TCF4: variants seen among roughly 807,000 people sequenced by gnomAD.
TCF4 encodes SL3-3 enhancer factor 2.
A neutral mutation model predicts 82.1 loss-of-function variants in TCF4; 3 were observed. That is an observed-to-expected ratio of 0.04 (90% confidence interval 0.02 to 0.09). The LOEUF is 0.09. Among genes scored for constraint, TCF4 ranks in the 10% least tolerant of loss-of-function variants. TCF4 has a pLI of 1.00. For synonymous variants in TCF4, 276 were observed against 309.6 expected (o/e 0.89, Z 1.14); for missense variants, 518 against 852.7 (o/e 0.61, Z 4.89).
chr18:55,338,674 G>A (rs545498008), intron 8 of TCF4, among the ~76,000 whole-genome samples: 175 of 152,206 alleles, frequency 1.1e-3, no homozygotes, highest in African/African-American at 4.1e-3. Context: ...TGATTCTTAG[G>A]GAGGAAGATG....
At chr18:55,311,518 G>C (rs970763232) in intron 8 of TCF4, among the ~76,000 whole-genome samples, 1 of 152,212 alleles carries the variant, frequency 6.6e-6, no homozygotes, top group Non-Finnish European at 1.5e-5. Flanking sequence ...ATCTTAGTCT[G>C]TCAGCAACAA....
chr18:55,379,203 C>A (rs1330717103), intron 6 of TCF4, among the ~76,000 whole-genome samples: 1 of 152,148 alleles, frequency 6.6e-6, no homozygotes, highest in Non-Finnish European at 1.5e-5. Flanking sequence ...TAAAAGGTAG[C>A]ATCTTAGCAG....
chr18:55,598,917 C>A (rs905792404), intron 2 of TCF4, among the ~76,000 whole-genome samples: 2 of 152,214 alleles, frequency 1.3e-5, no homozygotes, highest in Admixed American at 1.3e-4. Flanking sequence ...TGGAAGCAAT[C>A]ACTCTTTTGT....
intron 8 of TCF4, among the ~76,000 whole-genome samples, chr18:55,333,820 T>C (rs1569053790): frequency 6.6e-6 from 1 of 152,226 alleles, no homozygotes; most frequent in Non-Finnish European, 1.5e-5. Context: ...TTTTGCTCTC[T>C]GTTGTTGAGT....
rs1218755652 is a variant in TCF4 at position 55,254,766 on chromosome 18, A to C, written c.1147-66T>G. On this transcript the variant is annotated intron_variant, in intron 14 of 19. Transcript: ENST00000354452. The stretch of plus-strand genomic sequence containing the variant: ...AAGGGGTGCCTAAATTATACAAGTA[A>C]AATTTTAGTCGACAAAAAACACACT... 5.5e-6 allele frequency: 8 copies of C among 1,466,014 alleles called. 1 individual carries two copies. In the Admixed American group the frequency reaches 1.4e-4, roughly 25 times the overall value. The allele number at this position is 1,466,014 out of a possible 1,614,324, so 90.8% of individuals were successfully genotyped here. A position where few individuals can be genotyped will look rare whatever the true frequency, so the allele number is the denominator to read the frequency against.
chr18:55,331,103 G>A (rs1306794277), intron 8 of TCF4, among the ~76,000 whole-genome samples: 4 of 152,194 alleles, frequency 2.6e-5, no homozygotes, highest in East Asian at 1.9e-4. Flanking sequence ...AACTCCACAC[G>A]GTCCCTGAGA....
At chr18:55,573,809 C>G (rs1405382659) in intron 3 of TCF4, among the ~76,000 whole-genome samples, 2 of 152,160 alleles carry the variant, frequency 1.3e-5, no homozygotes, top group Admixed American at 1.3e-4. Context: ...TGTCTGTGTC[C>G]TCCATGTAGG....
chr18:55,434,480 CGCGATCTCG>C (rs1179101736), intron 5 of TCF4, among the ~76,000 whole-genome samples: 1 of 135,406 alleles, frequency 7.4e-6, no homozygotes, highest in Non-Finnish European at 1.5e-5. Flanking sequence ...AGTGCAGTGG[CGCGATCTCG>C]GCTCACTGCA....
intron 11 of TCF4, among the ~76,000 whole-genome samples, chr18:55,263,701 G>A (rs1006424998): frequency 2.0e-5 from 3 of 150,518 alleles, no homozygotes; most frequent in Admixed American, 2.0e-4. Context: ...TTTTCAGTAT[G>A]TATTACCATG....
chr18:55,326,670 C>T (rs892811446), intron 8 of TCF4, among the ~76,000 whole-genome samples: 2 of 151,994 alleles, frequency 1.3e-5, no homozygotes, highest in African/African-American at 4.8e-5. Context: ...GTAAATGTTG[C>T]CAAGCCAAGG....
At chr18:55,440,008 T>C (rs2095410373) in intron 5 of TCF4, among the ~76,000 whole-genome samples, 1 of 152,124 alleles carries the variant, frequency 6.6e-6, no homozygotes, top group Non-Finnish European at 1.5e-5. Flanking sequence ...ACAGGCCTGT[T>C]AGCCTGATAG....
chr18:55,558,238 T>A (rs1049251547), intron 3 of TCF4, among the ~76,000 whole-genome samples: 2 of 151,960 alleles, frequency 1.3e-5, no homozygotes, highest in East Asian at 3.9e-4. Flanking sequence ...AAAGAAAAAA[T>A]TTCTGAGCCA....
upstream of TCF4, among the ~76,000 whole-genome samples, chr18:55,590,182 G>C (rs181194793): frequency 1.3e-5 from 2 of 152,354 alleles, no homozygotes; most frequent in East Asian, 3.9e-4. Flanking sequence ...CCCTGAGGAA[G>C]GCTCGGGAAA....
intron 14 of TCF4, among the ~76,000 whole-genome samples, chr18:55,256,683 C>A (rs79699265): frequency 6.6e-6 from 1 of 152,122 alleles, no homozygotes; most frequent in African/African-American, 2.4e-5. Context: ...TATTCCTTCC[C>A]GCTAAATTCA....
chr18:55,545,833 T>C (rs925919400), intron 3 of TCF4, among the ~76,000 whole-genome samples: 2 of 152,168 alleles, frequency 1.3e-5, no homozygotes, highest in African/African-American at 4.8e-5. Flanking sequence ...ACAGCAAAGA[T>C]TAAAGAAGAT....
At chr18:55,407,397 C>T (rs749936042) in intron 5 of TCF4, among the ~76,000 whole-genome samples, 9 of 152,086 alleles carry the variant, frequency 5.9e-5, no homozygotes, top group Non-Finnish European at 8.8e-5. Context: ...ACACAACATC[C>T]GTCAATCAAT....
intron 8 of TCF4, among the ~76,000 whole-genome samples, chr18:55,306,466 T>C (rs923898636): frequency 2.6e-5 from 4 of 152,224 alleles, no homozygotes; most frequent in Non-Finnish European, 4.4e-5. Flanking sequence ...ATGTTCAGTT[T>C]TAATTGACCA....
At chr18:55,599,524 C>A (rs1265472440) in intron 2 of TCF4, among the ~76,000 whole-genome samples, 2 of 152,166 alleles carry the variant, frequency 1.3e-5, no homozygotes, top group African/African-American at 4.8e-5. Flanking sequence ...AGTTCAAGAC[C>A]AGCCTGGCCA....
rs550814260 is a variant in TCF4, at chr18:55,488,207, T to C, written c.146-24070A>G. 1.5e-3 allele frequency among the ~76,000 whole-genome samples: 224 copies of C among 152,336 alleles called. 1 individual carries two copies. The highest frequency in any genetic ancestry group is 3.4e-3 in the Middle Eastern group (1 of 294). On this transcript the variant is annotated intron_variant, in intron 3 of 19. Coordinates refer to ENST00000354452, the MANE Select transcript of TCF4 (RefSeq NM_001083962.2). ...TGGGTTTTCATTGGCTATAGTCTAA[T>C]ATACAAAACAAACAGGGTTTTCCGT... is the stretch of plus-strand genomic sequence containing the variant.
Sources: allele counts gnomAD v4.1 joint callset (sites outside exome capture counted in the v4.1 genomes callset), GRCh38; gene constraint gnomAD v4.1.1; transcripts MANE v1.5; gene names NCBI Gene and HGNC (gene_info 2026-07-23, HGNC 2026-07-21).